DAGLA: variants seen among roughly 807,000 people sequenced by gnomAD.
DAGLA encodes the protein diacylglycerol lipase-alpha.
Under a neutral mutation model 102.6 loss-of-function variants are expected in DAGLA, and 22 were observed. The ratio of observed to expected loss-of-function variants is 0.21; its 90% CI spans 0.15 to 0.31. The LOEUF is 0.31. DAGLA is among the 10% of genes least tolerant of loss of function. The pLI is 1.00. For synonymous variants in DAGLA, 578 were observed against 628.9 expected, an observed-to-expected ratio of 0.92 and a Z score of 1.21; for missense variants, 927 against 1,446.6, an observed-to-expected ratio of 0.64 and a Z score of 5.83.
intron 3 of DAGLA, among the ~76,000 whole-genome samples, chr11:61,721,391 C>G (rs896877776): frequency 6.6e-6 from 1 of 151,862 alleles, no homozygotes; most frequent in Non-Finnish European, 1.5e-5. Flanking sequence ...AAGTCTCCAT[C>G]TCAAAAAAAA....
At chr11:61,729,997 C>T (rs530238439) in intron 8 of DAGLA, among the ~76,000 whole-genome samples, 3 of 151,722 alleles carry the variant, frequency 2.0e-5, no homozygotes, top group African/African-American at 7.3e-5. Flanking sequence ...TGCTTGAGCC[C>T]AGGAGATCAG....
chr11:61,685,979 T>C (rs958454388), intron 1 of DAGLA, among the ~76,000 whole-genome samples: 4 of 152,160 alleles, frequency 2.6e-5, no homozygotes, highest in African/African-American at 9.7e-5. Flanking sequence ...GTTTCCAATC[T>C]GTGAACGCAT....
At chr11:61,741,634 G>A (rs1341509996) in intron 19 of DAGLA, among the ~76,000 whole-genome samples, 4 of 136,404 alleles carry the variant, frequency 2.9e-5, no homozygotes, top group Non-Finnish European at 4.6e-5. Context: ...TTTTTGAGAC[G>A]AAGTCTCGCT....
intron 1 of DAGLA, among the ~76,000 whole-genome samples, chr11:61,714,186 C>T (rs768090509): frequency 3.9e-5 from 6 of 152,320 alleles, no homozygotes; most frequent in African/African-American, 9.6e-5. Context: ...TTTTGATTTA[C>T]TGGGGCCTAG....
At chr11:61,723,347 A>G in intron 4 of DAGLA, 87 bp from the exon 5 acceptor site, 3 of 1,534,454 alleles carry the variant, frequency 2.0e-6, no homozygotes, top group East Asian at 2.3e-5. Context: ...GGGGTTAGGG[A>G]GGCTCCAATG....
chr11:61,729,277 T>C (rs2065355657), intron 8 of DAGLA, among the ~76,000 whole-genome samples: 1 of 152,248 alleles, frequency 6.6e-6, no homozygotes, highest in South Asian at 2.1e-4. Flanking sequence ...GACAGAGCAC[T>C]TTACCAGGGT....
chr11:61,708,287 C>T (rs1240692071), intron 1 of DAGLA, among the ~76,000 whole-genome samples: 2 of 152,174 alleles, frequency 1.3e-5, no homozygotes, highest in South Asian at 4.1e-4. Flanking sequence ...GGATTACAGG[C>T]GTGAGCCACC....
At chr11:61,718,309 A>G (rs2065253547) in intron 1 of DAGLA, among the ~76,000 whole-genome samples, 1 of 151,928 alleles carries the variant, frequency 6.6e-6, no homozygotes, top group African/African-American at 2.4e-5. Context: ...CTCTAGATTC[A>G]TTCCATTTCA....
chr11:61,697,828 T>C (rs2135557379), intron 1 of DAGLA, among the ~76,000 whole-genome samples: 1 of 152,282 alleles, frequency 6.6e-6, no homozygotes, highest in East Asian at 1.9e-4. Flanking sequence ...CAGCTGGGAC[T>C]ACAGGCATGC....
intron 1 of DAGLA, among the ~76,000 whole-genome samples, chr11:61,709,290 G>A (rs572565907): frequency 2.0e-5 from 3 of 152,296 alleles, no homozygotes; most frequent in Middle Eastern, 3.4e-3. Flanking sequence ...GCCAAGGCTG[G>A]CTGGAGTGCA....
chr11:61,728,299 CA>C lies in DAGLA; in HGVS notation c.771+13del. 1.9e-6 allele frequency: 3 copies of C among 1,607,750 alleles called. No individual in the cohort carries two copies. The highest frequency in any genetic ancestry group is 2.5e-6 in the Non-Finnish European group (3 of 1,179,368). ...CCGTGCTGGACGAGGTGAGCACCAC[CA>C]GCCCCTTCTCCAGGTCACCTCTCCA... On this transcript the variant is annotated intron_variant, in intron 7 of 19. Transcript: ENST00000257215.
rs765870072 is a variant in DAGLA at position 61,735,766 on chromosome 11, G to A, written c.1240G>A (p.Ala414Thr). Residue 414 changes from alanine (A) to threonine (T), a missense_variant, in exon 12 of 20, where the codon GCT becomes ACT. By Grantham distance (58) the Ala-to-Thr change is moderately conservative (BLOSUM62 0). Coordinates refer to ENST00000257215, the MANE Select transcript of DAGLA (RefSeq NM_006133.3). ...TGCCCTGACTGACCTGACGGGTGATGCTGAGCGCCTCCCCGTGGAGGGGCA... is the reference window on the plus strand; with the variant it reads ...TGCCCTGACTGACCTGACGGGTGATACTGAGCGCCTCCCCGTGGAGGGGCA... ...KDALTDLTGD[A>T]ERLPVEGHHG... 6.2e-7 allele frequency: 1 copy of A among 1,613,398 alleles called. No homozygotes were observed. Among genetic ancestry groups the A allele is most frequent in the Non-Finnish European group, 8.5e-7 (1 of 1,179,730 alleles).
chr11:61,715,587 G>A (rs2065230072), intron 1 of DAGLA, among the ~76,000 whole-genome samples: 1 of 152,220 alleles, frequency 6.6e-6, no homozygotes, highest in African/African-American at 2.4e-5. Flanking sequence ...AGGGGGCGAG[G>A]CCCAGCCTGG....
rs115209928 is a variant in DAGLA at position 61,685,248 on chromosome 11, C to T, written c.-45+4744C>T. On this transcript the variant is annotated intron_variant, in intron 1 of 19. Coordinates refer to ENST00000257215, the MANE Select transcript of DAGLA (RefSeq NM_006133.3). ...CTCCGAGAGCCGAATGGCAAGAATTCTCCCAGGTAATGCCTGGTGCGTAGA... is the reference window on the plus strand; with the variant it reads ...CTCCGAGAGCCGAATGGCAAGAATTTTCCCAGGTAATGCCTGGTGCGTAGA... 3.1e-3 allele frequency among the ~76,000 whole-genome samples: 474 copies of T among 152,288 alleles called. 2 individuals are homozygous for T. The highest frequency in any genetic ancestry group is 0.011 in the African/African-American group (441 of 41,548).
chr11:61,684,619 T>C lies in DAGLA; in HGVS notation c.-45+4115T>C, dbSNP rs932713048. Reference sequence around the variant, plus strand: ...GGGTAAGGGTGTTTTCATGGGGTGTTTGGCAGGAACGCCTAAGTCCTCTAG... The same window carrying C: ...GGGTAAGGGTGTTTTCATGGGGTGTCTGGCAGGAACGCCTAAGTCCTCTAG... On this transcript the variant is annotated intron_variant, in intron 1 of 19. Transcript: ENST00000257215. The surrounding 1 kb of genome is among the most constrained non-coding windows in gnomAD (Gnocchi z 4.5). 6.6e-6 allele frequency among the ~76,000 whole-genome samples: 1 copy of C among 152,096 alleles called. No individual in the cohort carries two copies. Among genetic ancestry groups the C allele is most frequent in the African/African-American group, 2.4e-5 (1 of 41,410 alleles).
intron 1 of DAGLA, among the ~76,000 whole-genome samples, chr11:61,689,331 C>T (rs181981156): frequency 1.2e-3 from 185 of 152,350 alleles, no homozygotes; most frequent in Middle Eastern, 0.01. Flanking sequence ...CCCACTTCAC[C>T]CACTCGAGTC....
In DAGLA at chr11:61,732,693, C is replaced by G. The variant is rs77477074; in HGVS notation, c.974+1252C>G. Among the ~76,000 whole-genome samples the G allele has an allele frequency of 4.8e-3, 724 of 152,218 alleles. 8 individuals are homozygous for G. The highest frequency in any genetic ancestry group is 0.017 in the African/African-American group (690 of 41,534). On this transcript the variant is annotated intron_variant, in intron 9 of 19. Coordinates refer to ENST00000257215, the MANE Select transcript of DAGLA (RefSeq NM_006133.3). ...GTCCCTAGACCTCATGAGGGCCCAG[C>G]CAGGCCCCTGCCTGGAAGAACCAGG...
At chr11:61,731,507 C>T in intron 9 of DAGLA, 66 bp downstream of exon 9, 1 of 1,595,926 alleles carries the variant, frequency 6.3e-7, no homozygotes, top group South Asian at 1.1e-5. Flanking sequence ...TGAGGAAGGG[C>T]TACCGGGCTG....
At chr11:61,704,183 G>C (rs1362725787) in intron 1 of DAGLA, among the ~76,000 whole-genome samples, 1 of 150,222 alleles carries the variant, frequency 6.7e-6, no homozygotes, top group Non-Finnish European at 1.5e-5. Context: ...GCAATGGCAC[G>C]ATCTCGGCTC....
Sources: allele counts gnomAD v4.1 joint callset (sites outside exome capture counted in the v4.1 genomes callset), GRCh38; gene constraint gnomAD v4.1.1; non-coding constraint Gnocchi (gnomAD v3.1); transcripts MANE v1.5; gene names NCBI Gene and HGNC (gene_info 2026-07-23, HGNC 2026-07-21).